The following CTIF variants were observed in gnomAD, a reference collection of about 807,000 sequenced individuals.
CTIF encodes the protein CBP80/20-dependent translation initiation factor.
In CTIF, 21 loss-of-function variants were observed where a neutral mutation model predicts 66.0. The ratio of observed to expected loss-of-function variants is 0.32; its 90% CI spans 0.23 to 0.46. The LOEUF is 0.46. Ranked by LOEUF, CTIF falls within the 20% of genes least tolerant of loss-of-function variation. The pLI, the probability that CTIF is intolerant of heterozygous loss-of-function variation, is 1.00. For missense variants in CTIF, 739 were observed against 812.7 expected, an observed-to-expected ratio of 0.91 and a Z score of 1.10; for synonymous variants, 345 against 326.4, an observed-to-expected ratio of 1.06 and a Z score of -0.62.
chr18:48,787,467 C>T (rs1911817181), intron 9 of CTIF, among the ~76,000 whole-genome samples: 1 of 152,172 alleles, frequency 6.6e-6, no homozygotes. Flanking sequence ...CAATCATCTG[C>T]CTGCAGGTTG....
chr18:48,567,078 A>C (rs985463028), intron 1 of CTIF: 1 of 152,196 alleles, frequency 6.6e-6, no homozygotes, highest in East Asian at 1.9e-4. Flanking sequence ...GGAGTTGGGG[A>C]TATAGCAGGT....
intron 10 of CTIF, among the ~76,000 whole-genome samples, chr18:48,828,325 A>G (rs1001945568): frequency 1.3e-5 from 2 of 152,142 alleles, no homozygotes; most frequent in East Asian, 1.9e-4. Context: ...AGCTTTGGGT[A>G]TTTTCTCTGA....
rs139629083 is a variant in CTIF at position 48,790,817 on chromosome 18, A to G, written c.1372-26404A>G. 4.7e-3 allele frequency among the ~76,000 whole-genome samples: 720 copies of G among 152,308 alleles called. 1 individual carries two copies. Among genetic ancestry groups the G allele is most frequent in the Non-Finnish European group, 7.1e-3 (482 of 68,016 alleles). Reference sequence around the variant, plus strand: ...CCTGGAAATCAGAGAGGCACGTCATAGGCCACCTCGTGCTGGGGAACACGT... The same window carrying G: ...CCTGGAAATCAGAGAGGCACGTCATGGGCCACCTCGTGCTGGGGAACACGT... On this transcript the variant is annotated intron_variant, in intron 9 of 11. Transcript: ENST00000256413.
intron 1 of CTIF, among the ~76,000 whole-genome samples, chr18:48,607,810 G>T (rs1234466295): frequency 6.6e-6 from 1 of 152,206 alleles, no homozygotes. Context: ...CCGAGTTTCT[G>T]CTGAGTGACA....
chr18:48,570,584 G>T (rs1010843249), intron 1 of CTIF, among the ~76,000 whole-genome samples: 5 of 152,224 alleles, frequency 3.3e-5, no homozygotes, highest in Admixed American at 3.3e-4. Flanking sequence ...GAGTCCCTGG[G>T]GGGTGGGGGG....
At chr18:48,691,645 C>A (rs2091927033) in intron 6 of CTIF, among the ~76,000 whole-genome samples, 1 of 152,120 alleles carries the variant, frequency 6.6e-6, no homozygotes, top group Admixed American at 6.6e-5. Context: ...TCCTGTCTCC[C>A]CACTCCTTCT....
Position 48,860,851 on chromosome 18 carries a change from G to C in CTIF, c.*1292G>C, listed in dbSNP as rs2069450285. On this transcript the variant is annotated 3_prime_UTR_variant, in exon 12 of 12. Coordinates refer to ENST00000256413, the MANE Select transcript of CTIF (RefSeq NM_014772.3). ...ATGAAGCTTCCCAGCCGGGAAACAA[G>C]ACGGGGTTTCTTGGCAGGCCCTGGT... 1 of 152,284 alleles carries C rather than the reference G, an allele frequency of 6.6e-6. No homozygotes were observed. The highest frequency in any genetic ancestry group is 2.4e-5 in the African/African-American group (1 of 41,468). The allele number at this position is 152,284 out of a possible 1,614,324, so 9.4% of individuals were successfully genotyped here.
At chr18:48,587,192 C>T (rs750572667) in intron 1 of CTIF, among the ~76,000 whole-genome samples, 92 of 151,840 alleles carry the variant, frequency 6.1e-4, no homozygotes, top group Non-Finnish European at 1.1e-3. Flanking sequence ...GGCGATTCTC[C>T]TGCCTCAGCC....
intron 1 of CTIF, among the ~76,000 whole-genome samples, chr18:48,583,992 A>G (rs1381617610): frequency 1.3e-5 from 2 of 152,192 alleles, no homozygotes; most frequent in Non-Finnish European, 2.9e-5. Flanking sequence ...CAGGGCCTCT[A>G]TAACCCTTAC....
intron 5 of CTIF, among the ~76,000 whole-genome samples, 192 bp downstream of exon 5, chr18:48,664,743 C>G (rs544312919): frequency 6.6e-6 from 1 of 152,154 alleles, no homozygotes; most frequent in East Asian, 1.9e-4. Context: ...CTCTGCCCAG[C>G]CCCCTCTAGC....
intron 9 of CTIF, among the ~76,000 whole-genome samples, chr18:48,814,119 C>T (rs1377653535): frequency 6.6e-6 from 1 of 152,202 alleles, no homozygotes; most frequent in African/African-American, 2.4e-5. Flanking sequence ...TGCTGGGGAA[C>T]TGTTATCTTC....
intron 10 of CTIF, among the ~76,000 whole-genome samples, chr18:48,823,810 C>T (rs2146381432): frequency 6.6e-6 from 1 of 152,272 alleles, no homozygotes; most frequent in East Asian, 1.9e-4. Flanking sequence ...AGGAATAACA[C>T]AAGGATCCCC....
intron 7 of CTIF, among the ~76,000 whole-genome samples, chr18:48,755,289 A>G (rs1908243641): frequency 6.6e-6 from 1 of 152,200 alleles, no homozygotes; most frequent in Non-Finnish European, 1.5e-5. Flanking sequence ...AAGGAGGGAG[A>G]ATTCACAAAA....
chr18:48,552,236 G>A (rs2088901614), intron 1 of CTIF, among the ~76,000 whole-genome samples: 1 of 152,212 alleles, frequency 6.6e-6, no homozygotes, highest in Admixed American at 6.5e-5. Flanking sequence ...TTCCAACGGG[G>A]ACATTTAAGC....
At chr18:48,745,783 T>C (rs1027741733) in intron 7 of CTIF, among the ~76,000 whole-genome samples, 1 of 152,200 alleles carries the variant, frequency 6.6e-6, no homozygotes, top group Non-Finnish European at 1.5e-5. Flanking sequence ...AACTATCTGC[T>C]GGGGAGCCAT....
chr18:48,643,995 T>C (rs942553772), intron 3 of CTIF, among the ~76,000 whole-genome samples: 70 of 152,330 alleles, frequency 4.6e-4, no homozygotes, highest in Non-Finnish European at 3.4e-4. Context: ...GCTCCATTAA[T>C]AAAAAAGTTC....
At chr18:48,546,771 G>C (rs906417313) in intron 1 of CTIF, among the ~76,000 whole-genome samples, 1 of 152,152 alleles carries the variant, frequency 6.6e-6, no homozygotes, top group Non-Finnish European at 1.5e-5. Context: ...TGCATGCTGG[G>C]AGAAAGGATG....
In CTIF at chr18:48,583,109, G is replaced by A. The variant is rs1178980448; in HGVS notation, c.-28-36429G>A. ...CCAGATGGGAACTGCTGGCCTTCAG[G>A]GGGCCAGCTGGGCCATTGGACTGGA... On this transcript the variant is annotated intron_variant, in intron 1 of 11. Coordinates refer to ENST00000256413, the MANE Select transcript of CTIF (RefSeq NM_014772.3). Among the ~76,000 whole-genome samples, 5 of 152,186 alleles carry A rather than the reference G, an allele frequency of 3.3e-5. No individual in the cohort carries two copies. In the East Asian group the frequency reaches 9.6e-4, roughly 29 times the overall value.
intron 7 of CTIF, among the ~76,000 whole-genome samples, chr18:48,713,176 G>A (rs1014862446): frequency 6.6e-6 from 1 of 152,182 alleles, no homozygotes; most frequent in Non-Finnish European, 1.5e-5. Flanking sequence ...GAGGAATAGG[G>A]TTCACAGGGG....
Sources: gnomAD v4.1 joint callset for allele counts (sites outside exome capture counted in the v4.1 genomes callset) on GRCh38, gnomAD v4.1.1 for gene constraint, MANE v1.5 for transcripts, NCBI Gene and HGNC (gene_info 2026-07-23, HGNC 2026-07-21) for gene names.